Variants in B4GALT7 observed in about 807,000 individuals in gnomAD.
The protein encoded by B4GALT7 is UDP-Gal:beta-GlcNAc beta-1,4-galactosyltransferase 7.
A neutral mutation model predicts 33.0 loss-of-function variants in B4GALT7; 30 were observed. That is an observed-to-expected ratio of 0.91 (90% CI 0.68 to 1.23). The LOEUF (loss-of-function observed/expected upper bound fraction) is 1.23. B4GALT7 is among the 50% of genes most tolerant of loss of function. The probability of loss-of-function intolerance (pLI) is 0.00; values close to 1 mark genes in which losing one functional copy is unlikely to be tolerated. For synonymous variants in B4GALT7, 213 were observed against 187.2 expected (o/e 1.14, Z -1.13); for missense variants, 507 against 450.8 (o/e 1.12, Z -1.13).
In B4GALT7 at chr5:177,604,250, T is replaced by C. The variant is rs375845310; in HGVS notation, c.122T>C (p.Leu41Pro). ...VFHLFVACLS[L>P]GFFSLLWLQL... ...CACCTGTTCGTGGCCTGCCTCTCGC[T>C]GGGCTTCTTCTCCCTACTCTGGCTG... is the stretch of plus-strand genomic sequence containing the variant. Residue 41 changes from leucine (L) to proline (P), a missense_variant, in exon 2 of 6, where the codon CTG becomes CCG. Coordinates refer to ENST00000029410, the MANE Select transcript of B4GALT7 (RefSeq NM_007255.3). 5 of 1,613,640 alleles carry C rather than the reference T, an allele frequency of 3.1e-6. No individual in the cohort carries two copies. Among genetic ancestry groups the C allele is most frequent in the Non-Finnish European group, 4.2e-6 (5 of 1,179,912 alleles).
chr5:177,608,494 C>A lies in B4GALT7; in HGVS notation c.640-45C>A, dbSNP rs202000213. The stretch of plus-strand genomic sequence containing the variant: ...AGCGGTAGGAGACCAAAGGCCCCCC[C>A]CCCCGGGAAGATGGGCCGAGTGACG... On this transcript the variant is annotated intron_variant, in intron 3 of 5. Transcript: ENST00000029410. This position sits in a 1 kb window ranked among gnomAD's most constrained non-coding sequence, Gnocchi z 4.1. 2,649 of 1,564,088 alleles carry A rather than the reference C, an allele frequency of 1.7e-3. 44 individuals are homozygous for A. In the East Asian group the frequency reaches 0.043, roughly 25 times the overall value.
Position 177,604,301 on chromosome 5 carries a change from C to T in B4GALT7, c.173C>T (p.Ala58Val). 1.2e-6 allele frequency: 2 copies of T among 1,611,326 alleles called. No individual in the cohort carries two copies. Among genetic ancestry groups the T allele is most frequent in the Non-Finnish European group, 1.7e-6 (2 of 1,178,780 alleles). ...CAGCTCAGCTGCTCTGGGGACGTGG[C>T]CCGGGCAGTCAGGGGACAAGGGCAG... ...WLQLSCSGDV[A>V]RAVRGQGQET... The change falls in exon 2 of 6, where the codon GCC becomes GTC. Residue 58 changes from alanine to valine, a missense_variant. Coordinates refer to ENST00000029410, the MANE Select transcript of B4GALT7 (RefSeq NM_007255.3).
At position 177,609,920 on chromosome 5, in the gene B4GALT7, TG is replaced by T; in HGVS notation, c.*229del. 1 of 615,996 alleles carries T rather than the reference TG, an allele frequency of 1.6e-6. No homozygotes were observed. The highest frequency in any genetic ancestry group is 2.9e-6 in the Non-Finnish European group (1 of 347,166). 38.2% of individuals were successfully genotyped at this position (615,996 alleles called of 1,614,324 possible). Reference sequence around the variant, plus strand: ...CCATGCACAGTGATCAGAGAGAGGCTGGGGTGTGTCCTGTCCGGGACCCCCC... The same window carrying T: ...CCATGCACAGTGATCAGAGAGAGGCTGGGTGTGTCCTGTCCGGGACCCCCC... On this transcript the variant is annotated 3_prime_UTR_variant, in exon 6 of 6. Transcript: ENST00000029410.
Position 177,607,359 on chromosome 5 carries a change from C to T in B4GALT7, c.471C>T (p.Asp157=). The T allele has an allele frequency of 6.2e-7, 1 of 1,614,050 alleles. No individual in the cohort carries two copies. Among genetic ancestry groups the T allele is most frequent in the Non-Finnish European group, 8.5e-7 (1 of 1,179,998 alleles). ...VGFLESSNST[D]YIAMHDVDLL... Reference sequence around the variant, plus strand: ...TCCTGGAGAGCAGCAACAGCACGGACTACATTGCCATGCACGACGTTGACC... The same window carrying T: ...TCCTGGAGAGCAGCAACAGCACGGATTACATTGCCATGCACGACGTTGACC... Residue 157 remains aspartate, a synonymous_variant, in exon 3 of 6, where the codon GAC becomes GAT. Transcript: ENST00000029410.
intron 2 of B4GALT7, 56 bp from the exon 3 acceptor site, chr5:177,607,246 G>A (rs1312300893): frequency 1.3e-6 from 2 of 1,499,002 alleles, no homozygotes; most frequent in East Asian, 2.4e-5. Flanking sequence ...TGGGTGCTGA[G>A]CCCCAGGCAG....
rs921977042 is a variant in B4GALT7 at position 177,609,937 on chromosome 5, G to A, written c.*242G>A. 19 of 578,346 alleles carry A rather than the reference G, an allele frequency of 3.3e-5. No individual in the cohort carries two copies. The highest frequency in any genetic ancestry group is 1.2e-4 in the East Asian group (4 of 33,702). The allele number at this position is 578,346 out of a possible 1,614,324, so 35.8% of individuals were successfully genotyped here. A position where few individuals can be genotyped will look rare whatever the true frequency, so the allele number is the denominator to read the frequency against. ...AGAGAGGCTGGGGTGTGTCCTGTCC[G>A]GGACCCCCCCTGCCTTCCTGCTCAC... On this transcript the variant is annotated 3_prime_UTR_variant, in exon 6 of 6. Transcript: ENST00000029410.
At chr5:177,602,642 A>G (rs1561813351) in intron 1 of B4GALT7, among the ~76,000 whole-genome samples, 1 of 152,118 alleles carries the variant, frequency 6.6e-6, no homozygotes, top group East Asian at 1.9e-4. Flanking sequence ...GGGCTGGAGC[A>G]GGAAGGAATA....
In B4GALT7 at chr5:177,604,522, A is replaced by G; in HGVS notation, c.394A>G (p.Asn132Asp). 1 of 1,613,806 alleles carries G rather than the reference A, an allele frequency of 6.2e-7. No homozygotes were observed. Among genetic ancestry groups the G allele is most frequent in the Non-Finnish European group, 8.5e-7 (1 of 1,179,932 alleles). The change falls in exon 2 of 6, where the codon AAC becomes GAC. Residue 132 changes from asparagine (N) to aspartate (D), a missense_variant. Transcript: ENST00000029410. ...GATCCGGCACCACATCTACGTGCTC[A>G]ACCAGGTGGACCACTTCAGGTAGCG... Reference protein sequence around the residue: ...KKIRHHIYVLNQVDHFRFNRA... With the variant: ...KKIRHHIYVLDQVDHFRFNRA...
chr5:177,609,152 G>T (rs1768105127), intron 5 of B4GALT7, 138 bp downstream of exon 5: 1 of 824,328 alleles, frequency 1.2e-6, no homozygotes, highest in African/African-American at 1.7e-5. Flanking sequence ...CGGGCATTCT[G>T]CTTGGGCACC....
In B4GALT7 at chr5:177,604,892, C is replaced by T. The variant is rs146392734; in HGVS notation, c.413+351C>T. On this transcript the variant is annotated intron_variant, in intron 2 of 5. Coordinates refer to ENST00000029410, the MANE Select transcript of B4GALT7 (RefSeq NM_007255.3). ...AGACAGGACTCCCTGGGGATTGGCC[C>T]GGGGATTAGGGAAAGGGAGGGTCAA... Among the ~76,000 whole-genome samples the T allele has an allele frequency of 2.2e-3, 330 of 152,006 alleles. 2 individuals carry two copies. Among genetic ancestry groups the T allele is most frequent in the Admixed American group, 7.7e-3 (118 of 15,280 alleles).
chr5:177,609,123 C>A, intron 5 of B4GALT7, 109 bp downstream of exon 5: 2 of 1,046,238 alleles, frequency 1.9e-6, no homozygotes, highest in African/African-American at 1.6e-5. Context: ...TCCTCCCCTG[C>A]TTGGCCCAGG....
rs1448197445 is a variant in B4GALT7, at chr5:177,607,495, A to C, written c.607A>C (p.Ile203Leu). 3.7e-6 allele frequency: 6 copies of C among 1,613,208 alleles called. No homozygotes were observed. In the African/African-American group the frequency reaches 8.0e-5, roughly 21 times the overall value. The change falls in exon 3 of 6, where the codon ATC becomes CTC. Residue 203 changes from isoleucine (I) to leucine (L), a missense_variant. Transcript: ENST00000029410. ...CCACTACAAGACCTATGTCGGCGGC[A>C]TCCTGCTGCTCTCCAAGCAGCACTA... ...LYHYKTYVGG[I>L]LLLSKQHYRL...
Position 177,600,988 on chromosome 5 carries a change from G to T in B4GALT7, c.50+728G>T, listed in dbSNP as rs971333326. On this transcript the variant is annotated intron_variant, in intron 1 of 5. Coordinates refer to ENST00000029410, the MANE Select transcript of B4GALT7 (RefSeq NM_007255.3). The surrounding 1 kb of genome is among the most constrained non-coding windows in gnomAD (Gnocchi z 4.4). Reference sequence around the variant, plus strand: ...CTCACTAAAGCAGAATGGGGAAAGCGATTTGACTGCCTCCATTCGTGGGGC... The same window carrying T: ...CTCACTAAAGCAGAATGGGGAAAGCTATTTGACTGCCTCCATTCGTGGGGC... Among the ~76,000 whole-genome samples the T allele has an allele frequency of 6.6e-5, 10 of 152,302 alleles. No individual in the cohort carries two copies. The South Asian group carries it at 1.9e-3, about 28-fold the overall frequency.
At chr5:177,604,899 TA>T (rs1334226054) in intron 2 of B4GALT7, 5 of 454,964 alleles carry the variant, frequency 1.1e-5, no homozygotes, top group South Asian at 8.3e-5. Context: ...GCCCGGGGAT[TA>T]GGGAAAGGGA....
chr5:177,608,486 G>A lies in B4GALT7; in HGVS notation c.640-53G>A. On this transcript the variant is annotated intron_variant, in intron 3 of 5. Transcript: ENST00000029410. The surrounding 1 kb of genome is among the most constrained non-coding windows in gnomAD (Gnocchi z 4.1). ...CACTCCCGAGCGGTAGGAGACCAAA[G>A]GCCCCCCCCCCCGGGAAGATGGGCC... 6.7e-7 allele frequency: 1 copy of A among 1,483,976 alleles called. No homozygotes were observed. The highest frequency in any genetic ancestry group is 9.3e-7 in the Non-Finnish European group (1 of 1,071,378). The allele number at this position is 1,483,976 out of a possible 1,614,324, so 91.9% of individuals were successfully genotyped here. A position where few individuals can be genotyped will look rare whatever the true frequency, so the allele number is the denominator to read the frequency against.
Position 177,608,657 on chromosome 5 carries a change from G to T in B4GALT7, c.723+35G>T, listed in dbSNP as rs1264608259. ...CCCGGGCCCCGCCGCCACCTCAGCTGCGGTGGCTGCCCTGAGATTTTCTTC... is the reference window on the plus strand; with the variant it reads ...CCCGGGCCCCGCCGCCACCTCAGCTTCGGTGGCTGCCCTGAGATTTTCTTC... On this transcript the variant is annotated intron_variant, in intron 4 of 5. Transcript: ENST00000029410. The surrounding 1 kb of genome is among the most constrained non-coding windows in gnomAD (Gnocchi z 4.1). 3 of 1,584,294 alleles carry T rather than the reference G, an allele frequency of 1.9e-6. No individual in the cohort carries two copies. In the Admixed American group the frequency reaches 5.0e-5, roughly 26 times the overall value.
At chr5:177,607,221 AT>A in intron 2 of B4GALT7, 80 bp from the exon 3 acceptor site, 8 of 1,291,088 alleles carry the variant, frequency 6.2e-6, no homozygotes, top group Non-Finnish European at 6.5e-6. Flanking sequence ...CATAGGCACC[AT>A]GGGGACCCCC....
chr5:177,604,113 G>C, intron 1 of B4GALT7, 66 bp from the exon 2 acceptor site: 1 of 1,609,110 alleles, frequency 6.2e-7, no homozygotes, highest in South Asian at 1.1e-5. Context: ...GGGGAGGCCA[G>C]AGAACGGGTC....
At chr5:177,607,162 A>C (rs1328686410) in intron 2 of B4GALT7, 140 bp from the exon 3 acceptor site, 10 of 732,832 alleles carry the variant, frequency 1.4e-5, no homozygotes, top group Non-Finnish European at 2.4e-5. Context: ...CGATGAGTGG[A>C]GGGACTGCCC....
Sources: gnomAD v4.1 joint callset for allele counts (sites outside exome capture counted in the v4.1 genomes callset) on GRCh38, gnomAD v4.1.1 for gene constraint, Gnocchi (gnomAD v3.1) non-coding constraint, MANE v1.5 for transcripts, NCBI Gene and HGNC (gene_info 2026-07-23, HGNC 2026-07-21) for gene names.